Variants in PPP2R2B observed in about 807,000 individuals in gnomAD.
The protein encoded by PPP2R2B is serine/threonine-protein phosphatase 2A 55 kDa regulatory subunit B beta isoform.
In PPP2R2B, 5 loss-of-function variants were observed where a neutral mutation model predicts 46.0. That is an observed-to-expected ratio of 0.11 (90% CI 0.06 to 0.23). The LOEUF (loss-of-function observed/expected upper bound fraction) is 0.23. Among genes scored for constraint, PPP2R2B ranks in the 10% least tolerant of loss-of-function variants. The probability of loss-of-function intolerance (pLI) is 1.00; values close to 1 mark genes in which losing one functional copy is unlikely to be tolerated. For missense variants in PPP2R2B, 367 were observed against 575.0 expected, an observed-to-expected ratio of 0.64 and a Z score of 3.70; for synonymous variants, 215 against 206.7, an observed-to-expected ratio of 1.04 and a Z score of -0.34.
intron 1 of PPP2R2B, among the ~76,000 whole-genome samples, chr5:147,053,953 C>T (rs149709630): frequency 0.01 from 1,587 of 152,308 alleles, 19 homozygotes; most frequent in Non-Finnish European, 0.016. Flanking sequence ...ATGCCATTTT[C>T]CTTACCCATT....
chr5:146,648,392 A>G (rs1335570178), intron 6 of PPP2R2B, among the ~76,000 whole-genome samples: 1 of 152,188 alleles, frequency 6.6e-6, no homozygotes, highest in Non-Finnish European at 1.5e-5. Flanking sequence ...GGTCTATTCT[A>G]TAAACGAACC....
chr5:147,042,049 C>T (rs186829769), intron 1 of PPP2R2B, among the ~76,000 whole-genome samples: 21 of 152,212 alleles, frequency 1.4e-4, no homozygotes, highest in Admixed American at 5.2e-4. Flanking sequence ...GATACTGTGG[C>T]GAGCTATATC....
At chr5:146,701,331 C>A in intron 2 of PPP2R2B, 189 bp from the exon 3 acceptor site, 1 of 736,538 alleles carries the variant, frequency 1.4e-6, no homozygotes, top group Non-Finnish European at 2.5e-6. Context: ...TTCCTAGATG[C>A]CCACACTGCA....
At chr5:146,935,810 G>C (rs755606834) in intron 1 of PPP2R2B, among the ~76,000 whole-genome samples, 12 of 152,140 alleles carry the variant, frequency 7.9e-5, no homozygotes, top group Non-Finnish European at 1.0e-4. Flanking sequence ...TTAAAGCTGT[G>C]CCAATCTGAG....
intron 7 of PPP2R2B, among the ~76,000 whole-genome samples, chr5:146,614,258 C>T (rs1223539599): frequency 1.8e-5 from 2 of 113,880 alleles, no homozygotes; most frequent in Admixed American, 9.1e-5. Context: ...GGAAAGGATT[C>T]CCTATTTAAT....
chr5:146,734,567 A>G (rs1250137068), intron 2 of PPP2R2B, among the ~76,000 whole-genome samples: 1 of 152,154 alleles, frequency 6.6e-6, no homozygotes, highest in Non-Finnish European at 1.5e-5. Flanking sequence ...CTGAACTGCT[A>G]CATTACAGTT....
At chr5:146,815,567 C>T (rs948391513) in intron 2 of PPP2R2B, among the ~76,000 whole-genome samples, 6 of 152,216 alleles carry the variant, frequency 3.9e-5, no homozygotes, top group African/African-American at 9.7e-5. Context: ...AGAGGAAGGG[C>T]GTGGCTTGTG....
upstream of PPP2R2B, chr5:146,878,955 G>A: frequency 8.9e-7 from 1 of 1,118,984 alleles, no homozygotes; most frequent in Non-Finnish European, 1.1e-6. The surrounding 1 kb of genome is among the most constrained non-coding windows in gnomAD (Gnocchi z 4.5). Flanking sequence ...GGAACGCATA[G>A]ACGCGCTCTT....
intron 1 of PPP2R2B, among the ~76,000 whole-genome samples, chr5:147,038,213 A>G (rs1756130914): frequency 6.6e-6 from 1 of 152,202 alleles, no homozygotes; most frequent in Non-Finnish European, 1.5e-5. Context: ...CTCATTGAAC[A>G]AGCAGGCCAA....
At chr5:146,776,828 T>C (rs1007941185) in intron 2 of PPP2R2B, among the ~76,000 whole-genome samples, 7 of 152,006 alleles carry the variant, frequency 4.6e-5, no homozygotes, top group African/African-American at 1.7e-4. Context: ...AAATAAAAAA[T>C]GGGCAAAGGA....
Position 146,586,657 on chromosome 5 carries a change from G to C in PPP2R2B, c.*3290C>G, listed in dbSNP as rs1209703697. The stretch of plus-strand genomic sequence containing the variant: ...GCAATTGTTCCATCTTATATATGCT[G>C]GTTGCCTAATAGAAGTTGATTTGGT... On this transcript the variant is annotated 3_prime_UTR_variant, in exon 10 of 10. Transcript: ENST00000394411. 1 of 152,050 alleles carries C rather than the reference G, an allele frequency of 6.6e-6. No homozygotes were observed. Among genetic ancestry groups the C allele is most frequent in the Admixed American group, 6.6e-5 (1 of 15,266 alleles). The allele number at this position is 152,050 out of a possible 1,614,324, so 9.4% of individuals were successfully genotyped here. A position where few individuals can be genotyped will look rare whatever the true frequency, so the allele number is the denominator to read the frequency against.
At chr5:146,957,357 C>T (rs1283393460) in intron 1 of PPP2R2B, among the ~76,000 whole-genome samples, 3 of 152,152 alleles carry the variant, frequency 2.0e-5, no homozygotes, top group Non-Finnish European at 4.4e-5. Context: ...GAGGGACAGC[C>T]ATGTAAACAA....
chr5:146,778,252 A>G (rs1755306585), intron 2 of PPP2R2B, among the ~76,000 whole-genome samples: 1 of 152,206 alleles, frequency 6.6e-6, no homozygotes. Context: ...CAGGTTTCAT[A>G]AAGCAGATCA....
chr5:146,721,087 C>T (rs1308866609), intron 2 of PPP2R2B, among the ~76,000 whole-genome samples: 17 of 152,152 alleles, frequency 1.1e-4, no homozygotes, highest in Admixed American at 1.1e-3. Flanking sequence ...GAACCACAGC[C>T]TCACCTGGGG....
At chr5:146,860,693 T>A (rs1307542999) in intron 2 of PPP2R2B, among the ~76,000 whole-genome samples, 1 of 152,146 alleles carries the variant, frequency 6.6e-6, no homozygotes, top group East Asian at 1.9e-4. Context: ...ACCCTCTGTG[T>A]CAATAAACAC....
At chr5:146,694,618 T>C (rs938870304) in intron 4 of PPP2R2B, among the ~76,000 whole-genome samples, 10 of 152,214 alleles carry the variant, frequency 6.6e-5, no homozygotes, top group Non-Finnish European at 1.0e-4. Context: ...GTACTTTTTC[T>C]ATGTACTTTG....
chr5:147,010,124 G>A (rs915589000), intron 1 of PPP2R2B, among the ~76,000 whole-genome samples: 1 of 151,980 alleles, frequency 6.6e-6, no homozygotes, highest in Non-Finnish European at 1.5e-5. Flanking sequence ...GACATAAAAG[G>A]GCTATAAATA....
chr5:146,810,830 A>C (rs548476411), intron 2 of PPP2R2B, among the ~76,000 whole-genome samples: 382 of 151,480 alleles, frequency 2.5e-3, no homozygotes, highest in Non-Finnish European at 4.6e-3. Context: ...CCCATTAACT[A>C]GTCATTTACA....
At chr5:146,960,400 C>T (rs900629926) in intron 1 of PPP2R2B, among the ~76,000 whole-genome samples, 17 of 152,160 alleles carry the variant, frequency 1.1e-4, no homozygotes, top group Non-Finnish European at 4.4e-5. Flanking sequence ...AGCGATTCTC[C>T]CACCTCAGCC....
Sources: allele counts gnomAD v4.1 joint callset (sites outside exome capture counted in the v4.1 genomes callset), GRCh38; gene constraint gnomAD v4.1.1; non-coding constraint Gnocchi (gnomAD v3.1); transcripts MANE v1.5; gene names NCBI Gene and HGNC (gene_info 2026-07-23, HGNC 2026-07-21).